The following MYO1D variants were observed in gnomAD, a reference collection of about 807,000 sequenced individuals.
The protein encoded by MYO1D is myosin ID.
In MYO1D, 83 loss-of-function variants were observed where a neutral mutation model predicts 122.0. The ratio of observed to expected loss-of-function variants is 0.68; its 90% CI spans 0.57 to 0.82. The LOEUF (loss-of-function observed/expected upper bound fraction) is 0.82. Ranked by LOEUF, MYO1D falls within the 40% of genes least tolerant of loss-of-function variation. MYO1D has a pLI of 0.00. For synonymous variants in MYO1D, 464 were observed against 446.9 expected (o/e 1.04, Z -0.48); for missense variants, 1,157 against 1,269.5 (o/e 0.91, Z 1.35).
intron 1 of MYO1D, among the ~76,000 whole-genome samples, chr17:32,789,957 AAC>A (rs1438659653): frequency 1.7e-4 from 26 of 152,222 alleles, no homozygotes; most frequent in South Asian, 4.1e-4. Context: ...TTGTTACAGT[AAC>A]CGTAGGAATA....
At chr17:32,841,276 G>A (rs1159677379) in intron 1 of MYO1D, among the ~76,000 whole-genome samples, 1 of 152,030 alleles carries the variant, frequency 6.6e-6, no homozygotes, top group Non-Finnish European at 1.5e-5. Context: ...AGACCAGCCT[G>A]GGTAACATGG....
chr17:32,515,819 G>A (rs1909872376), intron 21 of MYO1D, among the ~76,000 whole-genome samples: 1 of 152,256 alleles, frequency 6.6e-6, no homozygotes, highest in South Asian at 2.1e-4. Context: ...ACCAAGCCCA[G>A]AACACGGAGA....
At chr17:32,746,861 T>C (rs978458844) in intron 12 of MYO1D, among the ~76,000 whole-genome samples, 2 of 152,216 alleles carry the variant, frequency 1.3e-5, no homozygotes, top group Non-Finnish European at 2.9e-5. Flanking sequence ...CTATGTGGCA[T>C]TGCGTAAGAA....
In MYO1D at chr17:32,784,806, C is replaced by G. The variant is rs539602112; in HGVS notation, c.96-4022G>C. 4.2e-4 allele frequency among the ~76,000 whole-genome samples: 64 copies of G among 152,072 alleles called. No homozygotes were observed. The South Asian group carries it at 0.013, about 31-fold the overall frequency. Reference sequence around the variant, plus strand: ...CAGGCAGACTACATGCACAACCCCACAGAAAAGGAAGATACTGTGGGGAGG... The same window carrying G: ...CAGGCAGACTACATGCACAACCCCAGAGAAAAGGAAGATACTGTGGGGAGG... On this transcript the variant is annotated intron_variant, in intron 1 of 21. Coordinates refer to ENST00000318217, the MANE Select transcript of MYO1D (RefSeq NM_015194.3).
rs147966473 is a variant in MYO1D, at chr17:32,559,501, G to A, written c.2864+45586C>T. 6.8e-3 allele frequency among the ~76,000 whole-genome samples: 1,037 copies of A among 152,320 alleles called. 11 individuals carry two copies. The highest frequency in any genetic ancestry group is 0.018 in the African/African-American group (758 of 41,584). Reference sequence around the variant, plus strand: ...CAAGCCAAGGTCAAATAAGGCACATGCTCAGCTGTAGCCAATCCAGCTGCT... The same window carrying A: ...CAAGCCAAGGTCAAATAAGGCACATACTCAGCTGTAGCCAATCCAGCTGCT... On this transcript the variant is annotated intron_variant, in intron 21 of 21. Coordinates refer to ENST00000318217, the MANE Select transcript of MYO1D (RefSeq NM_015194.3).
chr17:32,643,264 G>A (rs958762109), intron 19 of MYO1D, among the ~76,000 whole-genome samples: 9 of 152,134 alleles, frequency 5.9e-5, no homozygotes, highest in Admixed American at 3.3e-4. Flanking sequence ...TGCATCCCAG[G>A]GATGAAGACA....
At chr17:32,627,981 GGA>G (rs2087950219) in intron 20 of MYO1D, among the ~76,000 whole-genome samples, 1 of 152,134 alleles carries the variant, frequency 6.6e-6, no homozygotes, top group Admixed American at 6.5e-5. Context: ...TCAGCCACGG[GGA>G]GCAATCTTTC....
At chr17:32,666,185 G>A (rs1389422210) in intron 16 of MYO1D, among the ~76,000 whole-genome samples, 1 of 152,058 alleles carries the variant, frequency 6.6e-6, no homozygotes, top group Non-Finnish European at 1.5e-5. Context: ...CTCTGTCAGG[G>A]CCACCCCTCA....
At chr17:32,621,556 C>T (rs958764939) in intron 20 of MYO1D, among the ~76,000 whole-genome samples, 1 of 152,068 alleles carries the variant, frequency 6.6e-6, no homozygotes, top group African/African-American at 2.4e-5. Context: ...CTGATGGTTC[C>T]CATGTGTTCC....
At chr17:32,745,358 C>T (rs2089824269) in intron 12 of MYO1D, 73 bp from the exon 13 acceptor site, 3 of 899,532 alleles carry the variant, frequency 3.3e-6, no homozygotes, top group Non-Finnish European at 5.2e-6. Flanking sequence ...TTCCAGGAGG[C>T]AACAAGCCTT....
At chr17:32,860,803 C>G in intron 1 of MYO1D, among the ~76,000 whole-genome samples, 1 of 152,168 alleles carries the variant, frequency 6.6e-6, no homozygotes, top group Admixed American at 6.5e-5. Flanking sequence ...TGCATCTATA[C>G]AACAGTGAGG....
intron 16 of MYO1D, among the ~76,000 whole-genome samples, chr17:32,695,666 C>T (rs769771917): frequency 5.9e-5 from 9 of 152,014 alleles, no homozygotes; most frequent in East Asian, 1.9e-4. Context: ...AAGAAAGTAA[C>T]GGTCATATTC....
chr17:32,651,768 C>T (rs1430811411), intron 19 of MYO1D, among the ~76,000 whole-genome samples: 2 of 151,258 alleles, frequency 1.3e-5, no homozygotes, highest in Admixed American at 6.6e-5. Flanking sequence ...CTCTGCTTCC[C>T]GGGTTCAAGC....
intron 14 of MYO1D, 128 bp from the exon 15 acceptor site, chr17:32,721,317 T>C (rs2089508194): frequency 1.2e-6 from 1 of 848,156 alleles, no homozygotes; most frequent in Admixed American, 2.5e-5. Context: ...GGCATACACT[T>C]GTGAATAAAG....
intron 20 of MYO1D, among the ~76,000 whole-genome samples, chr17:32,620,695 A>T (rs1047927544): frequency 2.6e-5 from 4 of 152,192 alleles, no homozygotes; most frequent in Admixed American, 1.3e-4. Flanking sequence ...GGAGAAATGC[A>T]TCTCTTCCAT....
chr17:32,612,746 T>C lies in MYO1D; in HGVS notation c.2710-7505A>G, dbSNP rs2087719121. Among the ~76,000 whole-genome samples, 3 of 151,332 alleles carry C rather than the reference T, an allele frequency of 2.0e-5. No individual in the cohort carries two copies. In the South Asian group the frequency reaches 6.3e-4, roughly 32 times the overall value. On this transcript the variant is annotated intron_variant, in intron 20 of 21. Transcript: ENST00000318217. ...AGAAATTAGAAGAGAAAAACTTTTG[T>C]AATTGTAATTTCATATTAATGAAAT...
chr17:32,795,015 C>T (rs116767359), intron 1 of MYO1D, among the ~76,000 whole-genome samples: 3,839 of 151,978 alleles, frequency 0.025, 161 homozygotes, highest in African/African-American at 0.088. Context: ...CTATTGGAGA[C>T]GGTAACTTAC....
intron 21 of MYO1D, among the ~76,000 whole-genome samples, chr17:32,563,255 G>C (rs1454273236): frequency 7.3e-6 from 1 of 136,444 alleles, no homozygotes; most frequent in African/African-American, 2.8e-5. Context: ...TGTTGCCCAG[G>C]CTGGAGCGTA....
intron 19 of MYO1D, among the ~76,000 whole-genome samples, chr17:32,653,641 C>T (rs1372955606): frequency 1.3e-5 from 2 of 150,926 alleles, no homozygotes; most frequent in Non-Finnish European, 1.5e-5. Flanking sequence ...TTATCACTTC[C>T]CTTAGGAAGG....
Sources: gnomAD v4.1 joint callset for allele counts (sites outside exome capture counted in the v4.1 genomes callset) on GRCh38, gnomAD v4.1.1 for gene constraint, MANE v1.5 for transcripts, NCBI Gene and HGNC (gene_info 2026-07-23, HGNC 2026-07-21) for gene names.